Variants in RUVBL1 observed in about 807,000 individuals in gnomAD.
RUVBL1 encodes the protein ruvB-like 1.
In RUVBL1, 4 loss-of-function variants were observed where a neutral mutation model predicts 52.4. That is an observed-to-expected ratio of 0.08 (90% CI 0.04 to 0.17). The LOEUF is 0.17. RUVBL1 is among the 10% of genes least tolerant of loss of function. The pLI is 1.00. For synonymous variants in RUVBL1, 217 were observed against 214.4 expected (o/e 1.01, Z -0.10); for missense variants, 298 against 572.8 (o/e 0.52, Z 4.90).
At chr3:128,075,551 T>G (rs540364789) in intron 9 of RUVBL1, among the ~76,000 whole-genome samples, 1 of 152,258 alleles carries the variant, frequency 6.6e-6, no homozygotes, top group South Asian at 2.1e-4. Context: ...GACACACGCC[T>G]TCCTCCCTGC....
chr3:128,123,560 A>C, intron 1 of RUVBL1, 24 bp downstream of exon 1: 1 of 1,570,534 alleles, frequency 6.4e-7, no homozygotes, highest in Non-Finnish European at 8.7e-7. Context: ...TGCAGCCCCC[A>C]ACTCCCTGGT....
At chr3:128,132,901 C>T (rs1474829978) in intron 1 of RUVBL1, among the ~76,000 whole-genome samples, 1 of 152,210 alleles carries the variant, frequency 6.6e-6, no homozygotes, top group Non-Finnish European at 1.5e-5. Context: ...TTGGACACCA[C>T]CTCAGCCACA....
Position 128,104,858 on chromosome 3 carries a change from G to A in RUVBL1, c.428C>T (p.Thr143Ile). The change falls in exon 4 of 11, where the codon ACA (threonine) becomes ATA (isoleucine). Residue 143 changes from threonine to isoleucine, a missense_variant. Transcript: ENST00000322623. The part of the protein sequence containing the change: ...GEVTELTPCE[T>I]ENPMGGYGKT... ...GCCATATCCTCCCATGGGATTCTCTGTCTCACACGGAGTTAGCTCTGTGAC... is the reference window on the plus strand; with the variant it reads ...GCCATATCCTCCCATGGGATTCTCTATCTCACACGGAGTTAGCTCTGTGAC... 3 of 1,613,634 alleles carry A rather than the reference G, an allele frequency of 1.9e-6. 1 individual carries two copies. In the South Asian group the frequency reaches 3.3e-5, roughly 18 times the overall value.
chr3:128,069,986 C>T (rs751273660), intron 9 of RUVBL1: 3 of 196,442 alleles, frequency 1.5e-5, no homozygotes, highest in Admixed American at 5.9e-5. Context: ...CGGCTGCAGC[C>T]GTCTCACCTG....
intron 6 of RUVBL1, among the ~76,000 whole-genome samples, chr3:128,100,274 G>A (rs980630156): frequency 9.2e-5 from 14 of 152,154 alleles, no homozygotes; most frequent in African/African-American, 3.4e-4. Flanking sequence ...GAACACTCCT[G>A]CCCTCCTGCC....
chr3:128,132,387 G>A (rs1422887572), intron 1 of RUVBL1, among the ~76,000 whole-genome samples: 1 of 152,184 alleles, frequency 6.6e-6, no homozygotes, highest in Non-Finnish European at 1.5e-5. Context: ...GGGTGCATGT[G>A]ACCTAGCAAG....
At chr3:128,117,279 A>T (rs1421668498) in intron 2 of RUVBL1, among the ~76,000 whole-genome samples, 4 of 152,238 alleles carry the variant, frequency 2.6e-5, no homozygotes, top group Non-Finnish European at 5.9e-5. Context: ...GCTAAAAGAC[A>T]AAGAGGACAA....
chr3:128,103,072 A>T (rs1943140596), intron 4 of RUVBL1, among the ~76,000 whole-genome samples: 1 of 152,232 alleles, frequency 6.6e-6, no homozygotes, highest in Non-Finnish European at 1.5e-5. Flanking sequence ...CAAGTATTTG[A>T]GCACCTTCTA....
Position 128,101,544 on chromosome 3 carries a change from C to G in RUVBL1, c.603+15G>C. ...ACAAATCAGGGACAATGCTGTGTCC[C>G]AAGGAAGGCATTACCTTCACGGCCC... On this transcript the variant is annotated intron_variant, in intron 5 of 10. Transcript: ENST00000322623. 1 of 1,611,084 alleles carries G rather than the reference C, an allele frequency of 6.2e-7. No homozygotes were observed. Among genetic ancestry groups the G allele is most frequent in the Non-Finnish European group, 8.5e-7 (1 of 1,177,424 alleles).
At chr3:128,107,044 C>T (rs1943257007) in intron 3 of RUVBL1, among the ~76,000 whole-genome samples, 1 of 152,124 alleles carries the variant, frequency 6.6e-6, no homozygotes, top group South Asian at 2.1e-4. Context: ...CATAAAATTA[C>T]CAAGTCTACT....
chr3:128,137,927 A>G (rs1943970729), intron 1 of RUVBL1, among the ~76,000 whole-genome samples: 1 of 152,244 alleles, frequency 6.6e-6, no homozygotes, highest in Non-Finnish European at 1.5e-5. Flanking sequence ...TATCAATAAA[A>G]TGAAGGACAA....
downstream of RUVBL1, among the ~76,000 whole-genome samples, chr3:128,080,711 C>T (rs1942446692): frequency 6.6e-6 from 1 of 152,204 alleles, no homozygotes; most frequent in Admixed American, 6.5e-5. Context: ...AAGAAGATGT[C>T]ACAGCCAAGA....
chr3:128,090,196 G>C (rs976220709), intron 8 of RUVBL1, among the ~76,000 whole-genome samples: 1 of 152,112 alleles, frequency 6.6e-6, no homozygotes, highest in Admixed American at 6.5e-5. Flanking sequence ...TTCAAAAAGA[G>C]AATAAAATGC....
At chr3:128,117,616 G>GTT (rs772377287) in intron 2 of RUVBL1, among the ~76,000 whole-genome samples, 15 of 140,712 alleles carry the variant, frequency 1.1e-4, no homozygotes, top group Non-Finnish European at 1.4e-4. Context: ...CAGTTTTTTT[G>GTT]TTTTTTTTTT....
At chr3:128,087,685 G>A (rs764434527) in intron 9 of RUVBL1, 21 bp downstream of exon 9, 66 of 1,582,484 alleles carry the variant, frequency 4.2e-5, no homozygotes, top group Middle Eastern at 1.8e-4. Context: ...AAGAGAGCAG[G>A]AGGGAAGAAG....
intron 1 of RUVBL1, among the ~76,000 whole-genome samples, chr3:128,123,144 CG>C (rs1943693022): frequency 6.6e-6 from 1 of 152,100 alleles, no homozygotes; most frequent in Admixed American, 6.5e-5. Flanking sequence ...ATTTCCTGAC[CG>C]TGGCCGACAA....
At chr3:128,131,772 C>T (rs2107728944) in intron 1 of RUVBL1, among the ~76,000 whole-genome samples, 1 of 152,254 alleles carries the variant, frequency 6.6e-6, no homozygotes, top group South Asian at 2.1e-4. Flanking sequence ...TTGACAAAAT[C>T]CAATACACTT....
At chr3:128,133,916 T>C (rs975907228) in intron 1 of RUVBL1, among the ~76,000 whole-genome samples, 1 of 152,156 alleles carries the variant, frequency 6.6e-6, no homozygotes, top group Non-Finnish European at 1.5e-5. Context: ...AAGGCACCAG[T>C]GATCAATCCT....
In RUVBL1 at chr3:128,081,224, T is replaced by C; in HGVS notation, c.*26A>G. The C allele has an allele frequency of 6.2e-7, 1 of 1,606,108 alleles. No homozygotes were observed. Among genetic ancestry groups the C allele is most frequent in the Non-Finnish European group, 8.5e-7 (1 of 1,174,230 alleles). On this transcript the variant is annotated 3_prime_UTR_variant, in exon 11 of 11. Coordinates refer to ENST00000322623, the MANE Select transcript of RUVBL1 (RefSeq NM_003707.3). The surrounding 1 kb of genome is among the most constrained non-coding windows in gnomAD (Gnocchi z 4.8). ...CCAGGCCAGGCACACCTGGGGAGTC[T>C]CTTACTGCTGAAAACCTCAGCCATC...
Sources: gnomAD v4.1 joint callset for allele counts (sites outside exome capture counted in the v4.1 genomes callset) on GRCh38, gnomAD v4.1.1 for gene constraint, Gnocchi (gnomAD v3.1) non-coding constraint, MANE v1.5 for transcripts, NCBI Gene and HGNC (gene_info 2026-07-23, HGNC 2026-07-21) for gene names.